PIEZO1: variants seen among roughly 807,000 people sequenced by gnomAD.
PIEZO1 encodes piezo-type mechanosensitive ion channel component 1.
A neutral mutation model predicts 297.2 loss-of-function variants in PIEZO1; 296 were observed. The observed-to-expected ratio is 1.00, with a 90% CI of 0.91 to 1.10. The LOEUF is 1.10. PIEZO1 is among the 50% of genes least tolerant of loss of function. The pLI is 0.00. For missense variants in PIEZO1, 5,018 were observed against 3,455.5 expected (o/e 1.45, Z -11.34); for synonymous variants, 2,427 against 1,507.5 (o/e 1.61, Z -14.13).
chr16:88,771,141 G>A lies in PIEZO1; in HGVS notation c.64+13760C>T, dbSNP rs552084352. ...GCAGGGCAGGCGCTAATCTCACAGGGAGATAAAAATCAACCGTGCGAAAGG... is the reference window on the plus strand; with the variant it reads ...GCAGGGCAGGCGCTAATCTCACAGGAAGATAAAAATCAACCGTGCGAAAGG... On this transcript the variant is annotated intron_variant, in intron 1 of 50. Coordinates refer to ENST00000301015, the MANE Select transcript of PIEZO1 (RefSeq NM_001142864.4). Among the ~76,000 whole-genome samples, 137 of 152,326 alleles carry A rather than the reference G, an allele frequency of 9.0e-4. 1 individual carries two copies. Among genetic ancestry groups the A allele is most frequent in the Admixed American group, 4.7e-3 (72 of 15,306 alleles).
At chr16:88,749,213 C>T (rs1906250811) in intron 2 of PIEZO1, among the ~76,000 whole-genome samples, 171 bp downstream of exon 2, 1 of 151,802 alleles carries the variant, frequency 6.6e-6, no homozygotes. Flanking sequence ...GCACTCCAGC[C>T]TGGGCGACTG....
rs374783534 is a variant in PIEZO1, at chr16:88,725,749, C to T, written c.3969-65G>A. Reference sequence around the variant, plus strand: ...CGACCCCAGCAACATGGGCAGCCGCCGCTCCCCGCTCAGCCCGGGACAGCT... The same window carrying T: ...CGACCCCAGCAACATGGGCAGCCGCTGCTCCCCGCTCAGCCCGGGACAGCT... On this transcript the variant is annotated intron_variant, in intron 27 of 50. Transcript: ENST00000301015. 109 of 839,410 alleles carry T rather than the reference C, an allele frequency of 1.3e-4. 1 individual carries two copies. Among genetic ancestry groups the T allele is most frequent in the African/African-American group, 1.1e-3 (63 of 59,356 alleles). 52.0% of individuals were successfully genotyped at this position (839,410 alleles called of 1,614,324 possible). A position where few individuals can be genotyped will look rare whatever the true frequency, so the allele number is the denominator to read the frequency against.
chr16:88,783,658 G>C (rs1908034981), intron 1 of PIEZO1, among the ~76,000 whole-genome samples: 1 of 152,202 alleles, frequency 6.6e-6, no homozygotes, highest in African/African-American at 2.4e-5. Flanking sequence ...CCTGCACTGG[G>C]AGCAGGTCCC....
At chr16:88,766,268 G>A (rs1907174216) in intron 1 of PIEZO1, among the ~76,000 whole-genome samples, 1 of 152,204 alleles carries the variant, frequency 6.6e-6, no homozygotes, top group Non-Finnish European at 1.5e-5. Flanking sequence ...TCGCCTAAGG[G>A]CCCGGAGGAG....
chr16:88,774,130 G>A (rs1373593822), intron 1 of PIEZO1, among the ~76,000 whole-genome samples: 1 of 152,220 alleles, frequency 6.6e-6, no homozygotes, highest in African/African-American at 2.4e-5. Flanking sequence ...CGTGGCCTGA[G>A]CTTCTAAGCG....
intron 1 of PIEZO1, among the ~76,000 whole-genome samples, chr16:88,769,846 G>C (rs1411144197): frequency 6.6e-6 from 1 of 152,220 alleles, no homozygotes; most frequent in Non-Finnish European, 1.5e-5. Context: ...CTCAGAGCTG[G>C]CCCTGCTCCT....
intron 1 of PIEZO1, 110 bp from the exon 2 acceptor site, chr16:88,749,589 T>C (rs1462406274): frequency 6.2e-6 from 5 of 802,190 alleles, no homozygotes; most frequent in African/African-American, 1.8e-5. Context: ...CCGTGTGCCC[T>C]GTGAGTGCTG....
intron 1 of PIEZO1, among the ~76,000 whole-genome samples, chr16:88,752,337 C>T (rs1434807078): frequency 2.0e-5 from 3 of 152,074 alleles, no homozygotes; most frequent in African/African-American, 7.2e-5. Flanking sequence ...CAAAAATTAG[C>T]CGGGGATGAT....
chr16:88,742,011 C>T (rs1905709467), intron 4 of PIEZO1, 42 bp downstream of exon 4: 25 of 1,533,072 alleles, frequency 1.6e-5, no homozygotes, highest in Non-Finnish European at 2.1e-5. Flanking sequence ...CTGAAATCCC[C>T]AAGGGAGGCT....
chr16:88,776,783 G>C (rs914081642), intron 1 of PIEZO1, among the ~76,000 whole-genome samples: 10 of 152,216 alleles, frequency 6.6e-5, no homozygotes, highest in African/African-American at 1.9e-4. Flanking sequence ...GGCGCTGATA[G>C]CCTCTCTGCC....
At chr16:88,735,335 G>A (rs559989635) in intron 12 of PIEZO1, 89 bp from the exon 13 acceptor site, 226 of 914,364 alleles carry the variant, frequency 2.5e-4, no homozygotes, top group South Asian at 1.4e-3. Flanking sequence ...ATAGCAGGGG[G>A]CAAGAGCTCT....
At chr16:88,759,124 G>A (rs1168202392) in intron 1 of PIEZO1, among the ~76,000 whole-genome samples, 1 of 152,240 alleles carries the variant, frequency 6.6e-6, no homozygotes, top group Non-Finnish European at 1.5e-5. Context: ...AAGGACTGGA[G>A]GAAACAGACA....
In PIEZO1 at chr16:88,716,259, G is replaced by C. The variant is rs1912019241; in HGVS notation, c.7068C>G (p.Phe2356Leu). 6.7e-7 allele frequency: 1 copy of C among 1,493,192 alleles called. No individual in the cohort carries two copies. Among genetic ancestry groups the C allele is most frequent in the Non-Finnish European group, 9.0e-7 (1 of 1,116,258 alleles). The allele number at this position is 1,493,192 out of a possible 1,614,324, so 92.5% of individuals were successfully genotyped here. A position where few individuals can be genotyped will look rare whatever the true frequency, so the allele number is the denominator to read the frequency against. Residue 2356 changes from phenylalanine to leucine, a missense_variant, in exon 49 of 51, where the codon TTC (phenylalanine) becomes TTG (leucine). Transcript: ENST00000301015. ...SDQSVVIPNLFPKYIRAPNGP... is the reference protein window; with the variant it reads ...SDQSVVIPNLLPKYIRAPNGP... ...CGTTGGGGGCACGGATGTACTTGGG[G>C]AAGAGATTAGGGATGACCCTGCAGG...
Position 88,736,291 on chromosome 16 carries a change from G to T in PIEZO1, c.1414C>A (p.Leu472Met). The change falls in exon 12 of 51, where the codon CTG becomes ATG. Residue 472 changes from leucine to methionine, a missense_variant. Physicochemically the swap from Leu to Met is conservative, Grantham distance 15. Coordinates refer to ENST00000301015, the MANE Select transcript of PIEZO1 (RefSeq NM_001142864.4). Reference protein sequence around the residue: ...LAMLCSPCILLYGMTLCCLRY... With the variant: ...LAMLCSPCILMYGMTLCCLRY... ...AGGCAGCACAGCGTCATCCCATACAGCAGGATGCAGGGCGAGCACAGCATG... is the reference window on the plus strand; with the variant it reads ...AGGCAGCACAGCGTCATCCCATACATCAGGATGCAGGGCGAGCACAGCATG... 2 of 1,550,230 alleles carry T rather than the reference G, an allele frequency of 1.3e-6. No homozygotes were observed. The highest frequency in any genetic ancestry group is 2.4e-5 in the South Asian group (2 of 84,066).
chr16:88,751,733 G>C (rs1030264587), intron 1 of PIEZO1, among the ~76,000 whole-genome samples: 1 of 150,530 alleles, frequency 6.6e-6, no homozygotes, highest in Non-Finnish European at 1.5e-5. Flanking sequence ...TGCATTCACA[G>C]CAAAGGCTTC....
In PIEZO1 at chr16:88,726,337, A is replaced by C. The variant is rs1181986406; in HGVS notation, c.3915T>G (p.His1305Gln). 6.5e-7 allele frequency: 1 copy of C among 1,550,368 alleles called. No homozygotes were observed. The highest frequency in any genetic ancestry group is 8.7e-7 in the Non-Finnish European group (1 of 1,146,932). ...GGTCGGCCCTGACGTGCAGGTAGTAATGGCTAAGGAAGACGCGGCGCTGCA... is the reference window on the plus strand; with the variant it reads ...GGTCGGCCCTGACGTGCAGGTAGTACTGGCTAAGGAAGACGCGGCGCTGCA... ...LLLQRRVFLSHYYLHVRADLQ... is the reference protein window; with the variant it reads ...LLLQRRVFLSQYYLHVRADLQ... The change falls in exon 27 of 51, where the codon CAT becomes CAG. Residue 1305 changes from histidine (H) to glutamine (Q), a missense_variant. By Grantham distance (24) the His-to-Gln change is conservative. Coordinates refer to ENST00000301015, the MANE Select transcript of PIEZO1 (RefSeq NM_001142864.4).
At chr16:88,767,826 T>C (rs1218498241) in intron 1 of PIEZO1, among the ~76,000 whole-genome samples, 1 of 151,386 alleles carries the variant, frequency 6.6e-6, no homozygotes, top group Non-Finnish European at 1.5e-5. Flanking sequence ...GACTACAGCC[T>C]TGAGGGATCG....
Position 88,723,298 on chromosome 16 carries a change from G to T in PIEZO1, c.4366C>A (p.Gln1456Lys), listed in dbSNP as rs1904297460. ...TGCTGCCGCCGCCTCAGCACCGCCT[G>T]GGCGTTGGTCACCCATGCCTGGTAC... ...LAYQAWVTNA[Q>K]AVLRRRQQEQ... is the part of the protein sequence containing the mutation. The change falls in exon 32 of 51, where the codon CAG becomes AAG. Residue 1456 changes from glutamine to lysine, a missense_variant. Physicochemically the swap from Gln to Lys is moderately conservative, Grantham distance 53 (BLOSUM62 1). Coordinates refer to ENST00000301015, the MANE Select transcript of PIEZO1 (RefSeq NM_001142864.4). 1.3e-6 allele frequency: 2 copies of T among 1,539,942 alleles called. No homozygotes were observed. Among genetic ancestry groups the T allele is most frequent in the South Asian group, 1.2e-5 (1 of 84,056 alleles).
Position 88,733,636 on chromosome 16 carries a change from G to A in PIEZO1, c.2439C>T (p.His813=), listed in dbSNP as rs763571494. The A allele has an allele frequency of 2.3e-5, 36 of 1,549,574 alleles. No individual in the cohort carries two copies. Among genetic ancestry groups the A allele is most frequent in the Non-Finnish European group, 2.8e-5 (32 of 1,146,552 alleles). ...TGTACAGGGCCACCAGCTTGAAAACGTGAAGCTCCAGCAGCCGCCGCAGGA... is the reference window on the plus strand; with the variant it reads ...TGTACAGGGCCACCAGCTTGAAAACATGAAGCTCCAGCAGCCGCCGCAGGA... ...QVFLRRLLEL[H]VFKLVALYTV... The change falls in exon 18 of 51, where the codon CAC becomes CAT. Residue 813 remains histidine (H), a synonymous_variant. Coordinates refer to ENST00000301015, the MANE Select transcript of PIEZO1 (RefSeq NM_001142864.4).
Sources: allele counts gnomAD v4.1 joint callset (sites outside exome capture counted in the v4.1 genomes callset), GRCh38; gene constraint gnomAD v4.1.1; transcripts MANE v1.5; gene names NCBI Gene and HGNC (gene_info 2026-07-23, HGNC 2026-07-21).